FGF4: variants seen among roughly 807,000 people sequenced by gnomAD.
FGF4 encodes fibroblast growth factor 4, also known as heparin secretory transforming protein 1.
Under a neutral mutation model 15.7 loss-of-function variants are expected in FGF4, and 9 were observed. That is an observed-to-expected ratio of 0.57 (90% confidence interval 0.35 to 1.00). FGF4 has a LOEUF of 1.00. FGF4 is among the 50% of genes least tolerant of loss of function. The pLI, the probability that FGF4 is intolerant of heterozygous loss-of-function variation, is 0.02. For synonymous variants in FGF4, 164 were observed against 144.8 expected (o/e 1.13, Z -0.95); for missense variants, 286 against 297.3 (o/e 0.96, Z 0.28).
Position 69,773,178 on chromosome 11 carries a change from A to C in FGF4, c.*131T>G. The C allele has an allele frequency of 1.5e-6, 1 of 665,138 alleles. No homozygotes were observed. Among genetic ancestry groups the C allele is most frequent in the Middle Eastern group, 4.2e-4 (1 of 2,354 alleles). 41.2% of individuals were successfully genotyped at this position (665,138 alleles called of 1,614,324 possible). ...ATTTGGTGGCAATATATACACATTT[A>C]AATAATTAATTTAAATATCTTACAC... On this transcript the variant is annotated 3_prime_UTR_variant, in exon 3 of 3. Coordinates refer to ENST00000168712, the MANE Select transcript of FGF4 (RefSeq NM_002007.4).
chr11:69,773,472 T>C lies in FGF4; in HGVS notation c.458A>G (p.Asp153Gly). The C allele has an allele frequency of 2.5e-6, 4 of 1,614,106 alleles. No homozygotes were observed. Among genetic ancestry groups the C allele is most frequent in the South Asian group, 2.2e-5 (2 of 91,078 alleles). ...GKLYGSPFFT[D>G]ECTFKEILLP... Reference sequence around the variant, plus strand: ...GAGAATCTCCTTGAACGTGCACTCATCGGTGAAGAAGGGCTGCAGCAAAGC... The same window carrying C: ...GAGAATCTCCTTGAACGTGCACTCACCGGTGAAGAAGGGCTGCAGCAAAGC... The change falls in exon 3 of 3, where the codon GAT becomes GGT. Residue 153 changes from aspartate to glycine, a missense_variant. By Grantham distance (94) the Asp-to-Gly change is moderately conservative. Transcript: ENST00000168712.
intron 1 of FGF4, 64 bp downstream of exon 1, chr11:69,774,681 G>A: frequency 3.9e-6 from 5 of 1,270,660 alleles, no homozygotes; most frequent in Non-Finnish European, 5.1e-6. Flanking sequence ...GTGTGACTGA[G>A]CGGGTTGGCC....
In FGF4 at chr11:69,774,733, C is replaced by T; in HGVS notation, c.340+12G>A. 2.8e-6 allele frequency: 4 copies of T among 1,449,364 alleles called. No individual in the cohort carries two copies. Among genetic ancestry groups the T allele is most frequent in the Non-Finnish European group, 2.7e-6 (3 of 1,110,416 alleles). 89.8% of individuals were successfully genotyped at this position (1,449,364 alleles called of 1,614,324 possible). A position where few individuals can be genotyped will look rare whatever the true frequency, so the allele number is the denominator to read the frequency against. The stretch of plus-strand genomic sequence containing the variant: ...CCGCCCCCGCCCCTTCGCGCCTGGC[C>T]GCGCCACTCACTGTCGCGGGTGTCC... On this transcript the variant is annotated intron_variant, in intron 1 of 2. Transcript: ENST00000168712.
In FGF4 at chr11:69,774,036, C is replaced by T. The variant is rs751853747; in HGVS notation, c.432G>A (p.Lys144=). The T allele has an allele frequency of 6.2e-7, 1 of 1,612,876 alleles. No homozygotes were observed. The highest frequency in any genetic ancestry group is 8.5e-7 in the Non-Finnish European group (1 of 1,179,756). Residue 144 remains lysine, a synonymous_variant, in exon 2 of 3, where the codon AAG becomes AAA. Coordinates refer to ENST00000168712, the MANE Select transcript of FGF4 (RefSeq NM_002007.4). ...CTGCGGTACTCACCGAGCCATAGAG[C>T]TTGCCCTTGCTGCTCATGGCCACGA... ...RFFVAMSSKG[K]LYGSPFFTDE... is the part of the protein sequence containing the mutation.
Position 69,775,228 on chromosome 11 carries a change from CG to C in FGF4, c.-145del. The stretch of plus-strand genomic sequence containing the variant: ...CCGAGGAGGTGCGGGAGGCAAGCGA[CG>C]GGGCCCCCGGGCGCCGGGCTCTACC... On this transcript the variant is annotated 5_prime_UTR_variant, in exon 1 of 3. Coordinates refer to ENST00000168712, the MANE Select transcript of FGF4 (RefSeq NM_002007.4). 2.0e-6 allele frequency: 1 copy of C among 504,396 alleles called. No homozygotes were observed. The highest frequency in any genetic ancestry group is 9.1e-5 in the South Asian group (1 of 10,976). 31.2% of individuals were successfully genotyped at this position (504,396 alleles called of 1,614,324 possible). A position where few individuals can be genotyped will look rare whatever the true frequency, so the allele number is the denominator to read the frequency against.
At position 69,773,251 on chromosome 11, in the gene FGF4, C is replaced by A; in HGVS notation, c.*58G>T. The A allele has an allele frequency of 6.7e-7, 1 of 1,483,198 alleles. No homozygotes were observed. The highest frequency in any genetic ancestry group is 1.1e-5 in the South Asian group (1 of 87,272). 91.9% of individuals were successfully genotyped at this position (1,483,198 alleles called of 1,614,324 possible). On this transcript the variant is annotated 3_prime_UTR_variant, in exon 3 of 3. Transcript: ENST00000168712. The stretch of plus-strand genomic sequence containing the variant: ...ATCCGAAGAAAGTGCACCAAGGTGA[C>A]CCTCGGCACTGCCCTCCCAGGGGCT...
Position 69,773,526 on chromosome 11 carries a change from TGGGCAAGGTACCCAGCCTGAAGCCAG to T in FGF4, c.445-67_445-42del. ...GCAGTGTCAGGGCTGGGGCACCTCT[TGGGCAAGGTACCCAGCCTGAAGCCAG>T]GGGTCAGAACCCCCTTCTGTCCCAC... On this transcript the variant is annotated intron_variant, in intron 2 of 2. Coordinates refer to ENST00000168712, the MANE Select transcript of FGF4 (RefSeq NM_002007.4). 1.2e-6 allele frequency: 2 copies of T among 1,604,488 alleles called. 1 individual carries two copies. The highest frequency in any genetic ancestry group is 2.2e-5 in the South Asian group (2 of 90,726).
Position 69,774,802 on chromosome 11 carries a change from G to A in FGF4, c.283C>T (p.His95Tyr). The A allele has an allele frequency of 1.3e-6, 2 of 1,527,998 alleles. No individual in the cohort carries two copies. The highest frequency in any genetic ancestry group is 1.2e-5 in the South Asian group (1 of 83,176). The allele number at this position is 1,527,998 out of a possible 1,614,324, so 94.7% of individuals were successfully genotyped here. Reference protein sequence around the residue: ...RLYCNVGIGFHLQALPDGRIG... With the variant: ...RLYCNVGIGFYLQALPDGRIG... ...CGGCCGTCGGGGAGCGCCTGGAGGT[G>A]GAAGCCGATGCCCACGTTGCAGTAG... The change falls in exon 1 of 3, where the codon CAC (histidine) becomes TAC (tyrosine). Residue 95 changes from histidine to tyrosine, a missense_variant. Transcript: ENST00000168712.
Position 69,774,883 on chromosome 11 carries a change from C to T in FGF4, c.202G>A (p.Ala68Thr). 1 of 1,496,572 alleles carries T rather than the reference C, an allele frequency of 6.7e-7. No homozygotes were observed. The highest frequency in any genetic ancestry group is 8.8e-7 in the Non-Finnish European group (1 of 1,130,380). 92.7% of individuals were successfully genotyped at this position (1,496,572 alleles called of 1,614,324 possible). ...LPVAAQPKEA[A>T]VQSGAGDYLL... is the part of the protein sequence containing the mutation. Reference sequence around the variant, plus strand: ...TAGTCGCCGGCGCCGCTCTGGACGGCCGCCTCCTTGGGCTGCGCTGCCACC... The same window carrying T: ...TAGTCGCCGGCGCCGCTCTGGACGGTCGCCTCCTTGGGCTGCGCTGCCACC... The change falls in exon 1 of 3, where the codon GCC becomes ACC. Residue 68 changes from alanine to threonine, a missense_variant. Coordinates refer to ENST00000168712, the MANE Select transcript of FGF4 (RefSeq NM_002007.4).
In FGF4 at chr11:69,771,119, C is replaced by T. The variant is rs1367183676; in HGVS notation, c.*2190G>A. 1.3e-5 allele frequency: 2 copies of T among 152,226 alleles called. No individual in the cohort carries two copies. Among genetic ancestry groups the T allele is most frequent in the South Asian group, 2.1e-4 (1 of 4,830 alleles). 9.4% of individuals were successfully genotyped at this position (152,226 alleles called of 1,614,324 possible). On this transcript the variant is annotated 3_prime_UTR_variant, in exon 3 of 3. Coordinates refer to ENST00000168712, the MANE Select transcript of FGF4 (RefSeq NM_002007.4). ...ATACACGATAAACGCTTATCATTGT[C>T]GGTCAGCATGTCAATGTGCACAGCA...
At chr11:69,773,609 G>T in intron 2 of FGF4, 124 bp from the exon 3 acceptor site, 1 of 921,044 alleles carries the variant, frequency 1.1e-6, no homozygotes, top group Non-Finnish European at 1.7e-6. Context: ...TCTCTGCTGA[G>T]CAGTTAAGGT....
rs1855600350 is a variant in FGF4 at position 69,773,470 on chromosome 11, C to T, written c.460G>A (p.Glu154Lys). The part of the protein sequence containing the change: ...KLYGSPFFTD[E>K]CTFKEILLPN... ...AGGAGAATCTCCTTGAACGTGCACTCATCGGTGAAGAAGGGCTGCAGCAAA... is the reference window on the plus strand; with the variant it reads ...AGGAGAATCTCCTTGAACGTGCACTTATCGGTGAAGAAGGGCTGCAGCAAA... The change falls in exon 3 of 3, where the codon GAG becomes AAG. Residue 154 changes from glutamate (E) to lysine (K), a missense_variant. Transcript: ENST00000168712. The T allele has an allele frequency of 1.2e-6, 2 of 1,614,174 alleles. No homozygotes were observed. Among genetic ancestry groups the T allele is most frequent in the Non-Finnish European group, 1.7e-6 (2 of 1,180,022 alleles).
Position 69,773,429 on chromosome 11 carries a change from G to A in FGF4, c.501C>T (p.Asn167=), listed in dbSNP as rs535935656. ...FKEILLPNNY[N]AYESYKYPGM... is the part of the protein sequence containing the mutation. ...CGGGGTACTTGTAGGACTCGTAGGCGTTGTAGTTGTTGGGAAGGAGAATCT... is the reference window on the plus strand; with the variant it reads ...CGGGGTACTTGTAGGACTCGTAGGCATTGTAGTTGTTGGGAAGGAGAATCT... The change falls in exon 3 of 3, where the codon AAC becomes AAT. Residue 167 remains asparagine (N), a synonymous_variant. Transcript: ENST00000168712. The A allele has an allele frequency of 4.0e-5, 64 of 1,614,166 alleles. No individual in the cohort carries two copies. Among genetic ancestry groups the A allele is most frequent in the African/African-American group, 2.8e-4 (21 of 75,052 alleles).
Position 69,775,071 on chromosome 11 carries a change from C to A in FGF4, c.14G>T (p.Gly5Val). The change falls in exon 1 of 3, where the codon GGG becomes GTG. Residue 5 changes from glycine (G) to valine (V), a missense_variant. Transcript: ENST00000168712. Reference sequence around the variant, plus strand: ...CGGGAGCAGCGCTACCGCGGCCGTCCCGGGCCCCGACATCCCGGCCCGAGG... The same window carrying A: ...CGGGAGCAGCGCTACCGCGGCCGTCACGGGCCCCGACATCCCGGCCCGAGG... MSGPGTAAVALLPAV... is the reference protein window; with the variant it reads MSGPVTAAVALLPAV... 2.2e-6 allele frequency: 3 copies of A among 1,339,174 alleles called. No homozygotes were observed. The highest frequency in any genetic ancestry group is 2.8e-6 in the Non-Finnish European group (3 of 1,055,290). The allele number at this position is 1,339,174 out of a possible 1,614,324, so 83.0% of individuals were successfully genotyped here.
In FGF4 at chr11:69,775,009, G is replaced by C. The variant is rs1309438389; in HGVS notation, c.76C>G (p.Arg26Gly). The change falls in exon 1 of 3, where the codon CGA becomes GGA. Residue 26 changes from arginine (R) to glycine (G), a missense_variant. Coordinates refer to ENST00000168712, the MANE Select transcript of FGF4 (RefSeq NM_002007.4). ...LLALLAPWAG[R>G]GGAAAPTAPN... ...GCAGTGGGTGCGGCGGCGCCCCCTCGGCCCGCCCAGGGCGCCAGCAAGGCC... is the reference window on the plus strand; with the variant it reads ...GCAGTGGGTGCGGCGGCGCCCCCTCCGCCCGCCCAGGGCGCCAGCAAGGCC... 6.9e-7 allele frequency: 1 copy of C among 1,444,094 alleles called. No individual in the cohort carries two copies. The highest frequency in any genetic ancestry group is 9.0e-7 in the Non-Finnish European group (1 of 1,105,234). The allele number at this position is 1,444,094 out of a possible 1,614,324, so 89.5% of individuals were successfully genotyped here.
In FGF4 at chr11:69,773,256, G is replaced by A. The variant is rs999995241; in HGVS notation, c.*53C>T. On this transcript the variant is annotated 3_prime_UTR_variant, in exon 3 of 3. Transcript: ENST00000168712. Reference sequence around the variant, plus strand: ...AAGAAAGTGCACCAAGGTGACCCTCGGCACTGCCCTCCCAGGGGCTTCCCG... The same window carrying A: ...AAGAAAGTGCACCAAGGTGACCCTCAGCACTGCCCTCCCAGGGGCTTCCCG... 3.5e-5 allele frequency: 54 copies of A among 1,534,662 alleles called. No individual in the cohort carries two copies. In the East Asian group the frequency reaches 5.2e-4, roughly 15 times the overall value.
chr11:69,774,084 G>A lies in FGF4; in HGVS notation c.384C>T (p.Ile128=). ...CGAAGAACCGGCTGGCCACGCCGAAGATGCTCACCACGCCCCGCTCCACGG... is the reference window on the plus strand; with the variant it reads ...CGAAGAACCGGCTGGCCACGCCGAAAATGCTCACCACGCCCCGCTCCACGG... ...LSPVERGVVS[I]FGVASRFFVA... is the part of the protein sequence containing the mutation. Residue 128 remains isoleucine (I), a synonymous_variant, in exon 2 of 3, where the codon ATC becomes ATT. Transcript: ENST00000168712. 2 of 1,612,980 alleles carry A rather than the reference G, an allele frequency of 1.2e-6. No homozygotes were observed. Among genetic ancestry groups the A allele is most frequent in the Non-Finnish European group, 1.7e-6 (2 of 1,179,952 alleles).
At position 69,774,807 on chromosome 11, in the gene FGF4, C is replaced by T. The variant is rs1194178508; in HGVS notation, c.278G>A (p.Gly93Asp). 6.5e-7 allele frequency: 1 copy of T among 1,528,068 alleles called. No individual in the cohort carries two copies. Among genetic ancestry groups the T allele is most frequent in the Admixed American group, 2.0e-5 (1 of 50,604 alleles). 94.7% of individuals were successfully genotyped at this position (1,528,068 alleles called of 1,614,324 possible). A position where few individuals can be genotyped will look rare whatever the true frequency, so the allele number is the denominator to read the frequency against. ...GTCGGGGAGCGCCTGGAGGTGGAAG[C>T]CGATGCCCACGTTGCAGTAGAGCCG... ...LRRLYCNVGI[G>D]FHLQALPDGR... Residue 93 changes from glycine (G) to aspartate (D), a missense_variant, in exon 1 of 3, where the codon GGC (glycine) becomes GAC (aspartate). By Grantham distance (94) the Gly-to-Asp change is moderately conservative. Coordinates refer to ENST00000168712, the MANE Select transcript of FGF4 (RefSeq NM_002007.4).
chr11:69,772,414 G>C lies in FGF4; in HGVS notation c.*895C>G, dbSNP rs1389352289. 5 of 152,256 alleles carry C rather than the reference G, an allele frequency of 3.3e-5. No individual in the cohort carries two copies. The highest frequency in any genetic ancestry group is 5.9e-5 in the Non-Finnish European group (4 of 68,050). The allele number at this position is 152,256 out of a possible 1,614,324, so 9.4% of individuals were successfully genotyped here. On this transcript the variant is annotated 3_prime_UTR_variant, in exon 3 of 3. Transcript: ENST00000168712. ...CCCTAAACACAGGGAAGCCCGTTTT[G>C]GGGGTGGGGCGGGGGGTTCGATGGT... is the stretch of plus-strand genomic sequence containing the variant.
Sources: allele counts gnomAD v4.1 joint callset, GRCh38; gene constraint gnomAD v4.1.1; transcripts MANE v1.5; gene names NCBI Gene and HGNC (gene_info 2026-07-23, HGNC 2026-07-21).